EPM2A: variants seen among roughly 807,000 people sequenced by gnomAD.
EPM2A encodes laforin.
EPM2A carries 21 observed loss-of-function variants against 26.5 expected under a neutral mutation model. The ratio of observed to expected loss-of-function variants is 0.79; its 90% CI spans 0.56 to 1.14. The LOEUF is 1.14. EPM2A is among the 50% of genes most tolerant of loss of function. EPM2A has a pLI of 0.00. For synonymous variants in EPM2A, 217 were observed against 177.6 expected (o/e 1.22, Z -1.76); for missense variants, 458 against 440.8 (o/e 1.04, Z -0.35).
intron 2 of EPM2A, among the ~76,000 whole-genome samples, chr6:145,646,600 T>C (rs1777485737): frequency 6.6e-6 from 1 of 152,162 alleles, no homozygotes; most frequent in South Asian, 2.1e-4. Context: ...TCATAAACTG[T>C]GTCCCTCACA....
At chr6:145,587,734 A>C (rs1009226340) in intron 2 of EPM2A, among the ~76,000 whole-genome samples, 13 of 152,208 alleles carry the variant, frequency 8.5e-5, no homozygotes, top group African/African-American at 3.1e-4. Flanking sequence ...CAGAATTTTC[A>C]CTTAACCTAA....
rs780724416 is a variant in EPM2A, at chr6:145,512,001, GC to G, written c.341-9427del. Reference sequence around the variant, plus strand: ...GCAAGAGCCAAATCAAGAACATAATGCCATTTACAACAGCCAGAATAAAGCG... The same window carrying G: ...GCAAGAGCCAAATCAAGAACATAATGCATTTACAACAGCCAGAATAAAGCG... On this transcript the variant is annotated intron_variant, in intron 2 of 3. Transcript: ENST00000450221. 1.2e-4 allele frequency among the ~76,000 whole-genome samples: 18 copies of G among 152,104 alleles called. 1 individual carries two copies. The highest frequency in any genetic ancestry group is 9.8e-4 in the Admixed American group (15 of 15,272).
intron 1 of EPM2A, among the ~76,000 whole-genome samples, chr6:145,687,541 C>A (rs1444748587): frequency 1.3e-5 from 2 of 152,026 alleles, no homozygotes; most frequent in Non-Finnish European, 2.9e-5. Context: ...CTTTATACTA[C>A]CTAAGTATAA....
chr6:145,506,386 G>C, intron 2 of EPM2A, among the ~76,000 whole-genome samples: 1 of 151,834 alleles, frequency 6.6e-6, no homozygotes, highest in East Asian at 1.9e-4. Flanking sequence ...TAATCCTAAG[G>C]ACAACAGACG....
chr6:145,427,074 T>C (rs945980513), intron 4 of EPM2A, among the ~76,000 whole-genome samples: 46 of 152,192 alleles, frequency 3.0e-4, no homozygotes, highest in African/African-American at 1.1e-3. Context: ...TTCAAAGAAA[T>C]TTAAATGGAC....
At chr6:145,412,007 C>T (rs1176519106) in intron 4 of EPM2A, among the ~76,000 whole-genome samples, 3 of 152,050 alleles carry the variant, frequency 2.0e-5, no homozygotes, top group African/African-American at 7.2e-5. Context: ...ATCACCAGGT[C>T]AGGAGTTCGA....
intron 2 of EPM2A, among the ~76,000 whole-genome samples, chr6:145,514,139 G>A (rs963675945): frequency 3.9e-5 from 6 of 152,176 alleles, no homozygotes. Flanking sequence ...CACCGTAATT[G>A]CAAGGAGTCT....
chr6:145,572,067 T>C (rs1369433478), intron 2 of EPM2A, among the ~76,000 whole-genome samples: 1 of 152,210 alleles, frequency 6.6e-6, no homozygotes, highest in East Asian at 1.9e-4. Context: ...CATGAATTAG[T>C]ATATAATCAC....
In EPM2A at chr6:145,444,810, A is replaced by G. The variant is rs559864203; in HGVS notation, c.555+57712T>C. ...AATTATAAATACGGTAACTCTGGAA[A>G]TAAGATACTCTCTTCTAACCTAGGT... On this transcript the variant is annotated intron_variant, in intron 4 of 4. Coordinates refer to the EPM2A transcript ENST00000638717. Among the ~76,000 whole-genome samples, 5 of 152,322 alleles carry G rather than the reference A, an allele frequency of 3.3e-5. No homozygotes were observed. In the East Asian group the frequency reaches 7.7e-4, roughly 23 times the overall value.
At chr6:145,735,043 G>A (rs979096206) in intron 1 of EPM2A, 155 bp downstream of exon 1, 17 of 432,790 alleles carry the variant, frequency 3.9e-5, no homozygotes, top group Non-Finnish European at 6.2e-5. Flanking sequence ...AGCAGGGTCA[G>A]CCCAGGTCGC....
chr6:145,441,521 ATT>A (rs1469804907), intron 4 of EPM2A, among the ~76,000 whole-genome samples: 1 of 152,088 alleles, frequency 6.6e-6, no homozygotes, highest in Non-Finnish European at 1.5e-5. Context: ...TTCCTATTGC[ATT>A]GTCAGGCTGC....
At chr6:145,410,090 C>A (rs532341075) in intron 4 of EPM2A, among the ~76,000 whole-genome samples, 1 of 152,228 alleles carries the variant, frequency 6.6e-6, no homozygotes, top group South Asian at 2.1e-4. Flanking sequence ...TGGATGCTGG[C>A]TACCACATAC....
At chr6:145,487,070 A>C (rs976345560) in intron 4 of EPM2A, among the ~76,000 whole-genome samples, 2 of 151,864 alleles carry the variant, frequency 1.3e-5, no homozygotes, top group African/African-American at 2.4e-5. Context: ...TTTAGCTCCC[A>C]CTCAAAAGTG....
chr6:145,390,794 G>A (rs1778327271), intron 4 of EPM2A, among the ~76,000 whole-genome samples: 1 of 151,670 alleles, frequency 6.6e-6, no homozygotes, highest in South Asian at 2.1e-4. Flanking sequence ...CAATATACAA[G>A]GTTTATTATG....
At chr6:145,458,187 CAT>C (rs1181009471) in intron 4 of EPM2A, among the ~76,000 whole-genome samples, 1 of 152,330 alleles carries the variant, frequency 6.6e-6, no homozygotes, top group Non-Finnish European at 1.5e-5. Flanking sequence ...TCATTAGTCA[CAT>C]GTTACTTGTG....
At chr6:145,561,672 T>C (rs559680121) in intron 2 of EPM2A, among the ~76,000 whole-genome samples, 1 of 152,160 alleles carries the variant, frequency 6.6e-6, no homozygotes, top group African/African-American at 2.4e-5. Flanking sequence ...TGTGTAACTG[T>C]TGCATGATTG....
chr6:145,547,094 C>G (rs1297415786), intron 2 of EPM2A, among the ~76,000 whole-genome samples: 10 of 152,126 alleles, frequency 6.6e-5, no homozygotes, highest in African/African-American at 2.2e-4. Flanking sequence ...GCAGTTTCTG[C>G]TGACATTTTC....
At chr6:145,482,008 C>T (rs1052390411) in intron 4 of EPM2A, among the ~76,000 whole-genome samples, 2 of 152,134 alleles carry the variant, frequency 1.3e-5, no homozygotes, top group Non-Finnish European at 2.9e-5. Flanking sequence ...GAAAAATCTA[C>T]ACTACCTGTA....
At chr6:145,709,476 C>A (rs1157594412) in intron 1 of EPM2A, among the ~76,000 whole-genome samples, 1 of 152,212 alleles carries the variant, frequency 6.6e-6, no homozygotes, top group Non-Finnish European at 1.5e-5. Context: ...TGCACACACT[C>A]TCTGGCCCGC....
Sources: allele counts gnomAD v4.1 joint callset (sites outside exome capture counted in the v4.1 genomes callset), GRCh38; gene constraint gnomAD v4.1.1; transcripts MANE v1.5; gene names NCBI Gene and HGNC (gene_info 2026-07-23, HGNC 2026-07-21).